The following MARCHF1 variants were observed in gnomAD, a reference collection of about 807,000 sequenced individuals.
MARCHF1 encodes E3 ubiquitin-protein ligase MARCHF1.
MARCHF1 carries 40 observed loss-of-function variants against 54.2 expected under a neutral mutation model. The ratio of observed to expected loss-of-function variants is 0.74; its 90% CI spans 0.57 to 0.96. MARCHF1 has a LOEUF of 0.96. Ranked by LOEUF, MARCHF1 falls within the 40% of genes least tolerant of loss-of-function variation. MARCHF1 has a pLI of 0.00. For missense variants in MARCHF1, 586 were observed against 656.5 expected, an observed-to-expected ratio of 0.89 and a Z score of 1.17; for synonymous variants, 236 against 236.3, an observed-to-expected ratio of 1.00 and a Z score of 0.01.
intron 1 of MARCHF1, among the ~76,000 whole-genome samples, chr4:164,159,167 G>C (rs927625611): frequency 6.6e-6 from 1 of 152,132 alleles, no homozygotes; most frequent in Non-Finnish European, 1.5e-5. Flanking sequence ...AGTAATTAAT[G>C]TTTTAAGGCT....
At position 163,784,080 on chromosome 4, in the gene MARCHF1, T is replaced by C. The variant is rs538728614; in HGVS notation, c.111+69941A>G. On this transcript the variant is annotated intron_variant, in intron 4 of 9. Transcript: ENST00000514618. ...AAGTTTGTGTTACAGCAGCACTCAA[T>C]TCAAGTTATTAATTTCTGTTTTATG... 2.3e-3 allele frequency among the ~76,000 whole-genome samples: 347 copies of C among 152,322 alleles called. 3 individuals are homozygous for C. Among genetic ancestry groups the C allele is most frequent in the Non-Finnish European group, 7.8e-4 (53 of 68,030 alleles).
intron 1 of MARCHF1, among the ~76,000 whole-genome samples, chr4:164,278,875 A>G (rs540969050): frequency 6.6e-6 from 1 of 152,266 alleles, no homozygotes; most frequent in Non-Finnish European, 1.5e-5. Flanking sequence ...CAGCGTTTAG[A>G]CTACACAATG....
chr4:164,205,189 C>G (rs1278816379), intron 1 of MARCHF1, among the ~76,000 whole-genome samples: 4 of 152,060 alleles, frequency 2.6e-5, no homozygotes, highest in African/African-American at 9.7e-5. Context: ...TAGTAATTGA[C>G]AGAAAAGAAA....
chr4:164,196,987 TC>T (rs1302326161), intron 1 of MARCHF1: 1 of 1,603,928 alleles, frequency 6.2e-7, no homozygotes, highest in African/African-American at 1.3e-5. Flanking sequence ...GTCATCATCT[TC>T]TCCCTCATCT....
intron 1 of MARCHF1, among the ~76,000 whole-genome samples, chr4:164,206,263 C>T (rs868843987): frequency 1.2e-4 from 18 of 152,220 alleles, no homozygotes; most frequent in African/African-American, 4.3e-4. Context: ...ATGGCGAAAT[C>T]CCGTCTCTAC....
At chr4:163,969,815 T>C (rs531368486) in intron 3 of MARCHF1, among the ~76,000 whole-genome samples, 9 of 152,336 alleles carry the variant, frequency 5.9e-5, no homozygotes, top group African/African-American at 2.2e-4. Flanking sequence ...CTACTCAATG[T>C]AGTAAAATTA....
At chr4:163,627,424 C>A (rs572054230) in intron 5 of MARCHF1, among the ~76,000 whole-genome samples, 1 of 152,162 alleles carries the variant, frequency 6.6e-6, no homozygotes, top group East Asian at 1.9e-4. Context: ...TCATATATAC[C>A]CTATTCTTGC....
In MARCHF1 at chr4:163,925,624, T is replaced by C. The variant is rs568435085; in HGVS notation, c.-39+62877A>G. Among the ~76,000 whole-genome samples the C allele has an allele frequency of 4.6e-5, 7 of 151,816 alleles. 1 individual carries two copies. In the South Asian group the frequency reaches 1.5e-3, roughly 31 times the overall value. On this transcript the variant is annotated intron_variant, in intron 3 of 9. Transcript: ENST00000514618. ...CAGTTAAAAGAAACTTAATGTAAACTAAGAAACATCTAATAATTTTGGTAC... is the reference window on the plus strand; with the variant it reads ...CAGTTAAAAGAAACTTAATGTAAACCAAGAAACATCTAATAATTTTGGTAC...
chr4:164,245,641 G>T (rs1732925693), intron 1 of MARCHF1, among the ~76,000 whole-genome samples: 1 of 151,828 alleles, frequency 6.6e-6, no homozygotes, highest in Non-Finnish European at 1.5e-5. Context: ...ATTCAATTAG[G>T]AAAAGAGGAA....
intron 1 of MARCHF1, among the ~76,000 whole-genome samples, chr4:164,154,999 G>A (rs746369447): frequency 3.9e-5 from 6 of 152,092 alleles, no homozygotes; most frequent in Non-Finnish European, 8.8e-5. Flanking sequence ...CTAATTCTCC[G>A]ACTGTCCCCA....
intron 3 of MARCHF1, among the ~76,000 whole-genome samples, chr4:163,955,105 G>A (rs983377785): frequency 6.7e-6 from 1 of 149,890 alleles, no homozygotes; most frequent in African/African-American, 2.5e-5. Context: ...TGGAATGTAT[G>A]TTTCCATGCT....
Position 163,525,058 on chromosome 4 carries a change from CTTAA to C in MARCHF1, c.*3686_*3689del, listed in dbSNP as rs1305629743. 1 of 152,048 alleles carries C rather than the reference CTTAA, an allele frequency of 6.6e-6. No homozygotes were observed. Among genetic ancestry groups the C allele is most frequent in the African/African-American group, 2.4e-5 (1 of 41,418 alleles). 9.4% of individuals were successfully genotyped at this position (152,048 alleles called of 1,614,324 possible). ...GGAAAGAAAAAAGGTTTTCATCTTTCTTAATTAAAGTATTATATAACAACTATAA... is the reference window on the plus strand; with the variant it reads ...GGAAAGAAAAAAGGTTTTCATCTTTCTTAAAGTATTATATAACAACTATAA... On this transcript the variant is annotated 3_prime_UTR_variant, in exon 10 of 10. Coordinates refer to ENST00000514618, the MANE Select transcript of MARCHF1 (RefSeq NM_001394959.1).
At chr4:164,009,243 AC>A (rs1448238339) in intron 2 of MARCHF1, among the ~76,000 whole-genome samples, 17 of 152,210 alleles carry the variant, frequency 1.1e-4, no homozygotes, top group Admixed American at 1.0e-3. Flanking sequence ...CGAAGATTGA[AC>A]CCTGAAAAAA....
intron 1 of MARCHF1, among the ~76,000 whole-genome samples, chr4:164,228,294 G>C (rs1199579009): frequency 6.6e-6 from 1 of 152,116 alleles, no homozygotes; most frequent in African/African-American, 2.4e-5. Flanking sequence ...TTATTTATCT[G>C]TCCCATTAAC....
At chr4:164,013,302 A>G (rs1753464049) in intron 2 of MARCHF1, among the ~76,000 whole-genome samples, 1 of 152,196 alleles carries the variant, frequency 6.6e-6, no homozygotes, top group South Asian at 2.1e-4. Context: ...ATCAAGCAAG[A>G]AAGAATTAAT....
Position 163,667,457 on chromosome 4 carries a change from A to C in MARCHF1, c.162+33356T>G, listed in dbSNP as rs149307592. 7.9e-3 allele frequency among the ~76,000 whole-genome samples: 1,197 copies of C among 152,304 alleles called. 19 individuals carry two copies. Among genetic ancestry groups the C allele is most frequent in the African/African-American group, 0.026 (1,065 of 41,568 alleles). On this transcript the variant is annotated intron_variant, in intron 5 of 9. Transcript: ENST00000514618. The stretch of plus-strand genomic sequence containing the variant: ...GTTCTACAGATTGAACATGTGAGTC[A>C]TAAAACCTTTTATTGACATCAAAAT...
intron 3 of MARCHF1, among the ~76,000 whole-genome samples, chr4:163,872,861 A>G (rs975588185): frequency 9.8e-4 from 149 of 151,738 alleles, no homozygotes; most frequent in Non-Finnish European, 1.7e-3. Flanking sequence ...TGGCTAACAC[A>G]GTGAAACCCC....
intron 1 of MARCHF1, among the ~76,000 whole-genome samples, chr4:164,224,280 T>C (rs1477829687): frequency 1.4e-4 from 22 of 151,770 alleles, no homozygotes; most frequent in Non-Finnish European, 1.6e-4. Context: ...CATCTACCAT[T>C]AGCATTAGTG....
At chr4:164,373,884 A>C (rs1380977864) in intron 1 of MARCHF1, among the ~76,000 whole-genome samples, 1 of 152,200 alleles carries the variant, frequency 6.6e-6, no homozygotes, top group Non-Finnish European at 1.5e-5. Context: ...CATGAAAAAA[A>C]TGGGAGGTAA....
Sources: allele counts gnomAD v4.1 joint callset (sites outside exome capture counted in the v4.1 genomes callset), GRCh38; gene constraint gnomAD v4.1.1; transcripts MANE v1.5; gene names NCBI Gene and HGNC (gene_info 2026-07-23, HGNC 2026-07-21).